The following NFIB variants were observed in gnomAD, a reference collection of about 807,000 sequenced individuals.
NFIB encodes nuclear factor 1 B-type.
In NFIB, 11 loss-of-function variants were observed where a neutral mutation model predicts 61.5. The observed-to-expected ratio is 0.18, with a 90% CI of 0.11 to 0.30. NFIB has a LOEUF of 0.30. NFIB is among the 10% of genes least tolerant of loss of function. NFIB has a pLI of 1.00. For synonymous variants in NFIB, 260 were observed against 216.5 expected (o/e 1.20, Z -1.76); for missense variants, 471 against 608.9 (o/e 0.77, Z 2.38).
the NFIB span, among the ~76,000 whole-genome samples, chr9:14,416,493 T>C: frequency 6.7e-5 from 10 of 148,552 alleles, no homozygotes; most frequent in Non-Finnish European, 1.5e-4. Flanking sequence ...TGTGTTTGTG[T>C]CCTAGTTTTT....
At chr9:14,418,454 C>T in the NFIB span, among the ~76,000 whole-genome samples, 983 of 152,250 alleles carry the variant, frequency 6.5e-3, 10 homozygotes, top group African/African-American at 0.022. Context: ...CCAGGAGTCT[C>T]GTGTGTTGAG....
At chr9:14,501,054 G>T in the NFIB span, among the ~76,000 whole-genome samples, 2 of 152,164 alleles carry the variant, frequency 1.3e-5, no homozygotes, top group Non-Finnish European at 2.9e-5. Flanking sequence ...CACAATGGAG[G>T]CTTCTAACTC....
intron 1 of NFIB, among the ~76,000 whole-genome samples, chr9:14,394,465 G>C (rs898034521): frequency 1.3e-5 from 2 of 152,188 alleles, no homozygotes; most frequent in African/African-American, 4.8e-5. Flanking sequence ...AGAAGCAAAG[G>C]CATGTCTTAC....
chr9:14,281,491 G>C (rs189991348), intron 2 of NFIB, among the ~76,000 whole-genome samples: 50 of 152,250 alleles, frequency 3.3e-4, no homozygotes, highest in Admixed American at 1.1e-3. Context: ...AAAGAATGTA[G>C]AGAAATGACT....
chr9:14,305,940 G>A, intron 2 of NFIB: 1 of 1,295,488 alleles, frequency 7.7e-7, no homozygotes, highest in Non-Finnish European at 1.0e-6. Context: ...TTTGTAAAAT[G>A]ATTGTTTTAC....
chr9:14,484,179 A>T, the NFIB span, among the ~76,000 whole-genome samples: 1 of 152,224 alleles, frequency 6.6e-6, no homozygotes, highest in South Asian at 2.1e-4. Context: ...TAACTTACTC[A>T]GTTTTTGCTG....
At chr9:14,526,612 G>A in the NFIB span, among the ~76,000 whole-genome samples, 1 of 152,040 alleles carries the variant, frequency 6.6e-6, no homozygotes, top group Non-Finnish European at 1.5e-5. Context: ...CTATTTCTGA[G>A]CAGACTTTCT....
chr9:14,310,551 AT>A lies in NFIB; in HGVS notation c.30+2930del, dbSNP rs989266393. ...ATAATAACTGTCCTGATACAAAAAT[AT>A]TTTTTTAAAAGGTGATTAAGGTTTT... is the stretch of plus-strand genomic sequence containing the variant. On this transcript the variant is annotated intron_variant, in intron 1 of 10. Transcript: ENST00000380953. Among the ~76,000 whole-genome samples, 7 of 152,182 alleles carry A rather than the reference AT, an allele frequency of 4.6e-5. No individual in the cohort carries two copies. The East Asian group carries it at 9.6e-4, about 21-fold the overall frequency.
the NFIB span, among the ~76,000 whole-genome samples, chr9:14,463,681 T>TTA: frequency 1.2e-4 from 7 of 58,736 alleles, no homozygotes; most frequent in African/African-American, 4.9e-4. Context: ...TTTTTTTTTT[T>TTA]TGAGACGGAG....
intron 1 of NFIB, among the ~76,000 whole-genome samples, chr9:14,391,434 C>T (rs1387687792): frequency 1.4e-5 from 2 of 140,024 alleles, no homozygotes; most frequent in African/African-American, 5.4e-5. Flanking sequence ...TTGGTCAGAG[C>T]TGGTACCAGG....
At chr9:14,418,355 C>G in the NFIB span, among the ~76,000 whole-genome samples, 1 of 152,184 alleles carries the variant, frequency 6.6e-6, no homozygotes, top group African/African-American at 2.4e-5. Flanking sequence ...TGGCTCCCAC[C>G]ATGCTGTTTC....
At chr9:14,156,476 G>A (rs1022005487) in intron 3 of NFIB, among the ~76,000 whole-genome samples, 1 of 152,136 alleles carries the variant, frequency 6.6e-6, no homozygotes. Flanking sequence ...TTTAATATAC[G>A]TTGCACGATT....
chr9:14,486,452 C>T, the NFIB span, among the ~76,000 whole-genome samples: 2 of 152,272 alleles, frequency 1.3e-5, no homozygotes, highest in African/African-American at 4.8e-5. Flanking sequence ...GGATTAAAAA[C>T]TGCTAAAAGG....
intron 2 of NFIB, among the ~76,000 whole-genome samples, chr9:14,221,622 C>T (rs1049638345): frequency 1.3e-5 from 2 of 152,120 alleles, no homozygotes. Flanking sequence ...TGTCTTCTGA[C>T]CTTTACTTAA....
the NFIB span, among the ~76,000 whole-genome samples, chr9:14,480,506 T>A: frequency 6.6e-6 from 1 of 152,224 alleles, no homozygotes; most frequent in East Asian, 1.9e-4. Flanking sequence ...ATGTGTCTAG[T>A]GTTTATACAC....
At chr9:14,507,149 T>C in the NFIB span, among the ~76,000 whole-genome samples, 1 of 152,236 alleles carries the variant, frequency 6.6e-6, no homozygotes, top group Non-Finnish European at 1.5e-5. Flanking sequence ...CTGTGTCCTG[T>C]TACATTTCTT....
At chr9:14,139,387 A>C (rs2041437087) in intron 6 of NFIB, among the ~76,000 whole-genome samples, 1 of 152,216 alleles carries the variant, frequency 6.6e-6, no homozygotes, top group African/African-American at 2.4e-5. Context: ...ATAAGCTTAA[A>C]CATGAACTCA....
At chr9:14,383,342 GGT>G (rs1433226422) in intron 1 of NFIB, among the ~76,000 whole-genome samples, 1 of 152,102 alleles carries the variant, frequency 6.6e-6, no homozygotes, top group African/African-American at 2.4e-5. Context: ...TTATATTTTT[GGT>G]GCCCAGAAAG....
At chr9:14,275,961 T>C (rs1266975777) in intron 2 of NFIB, among the ~76,000 whole-genome samples, 1 of 152,140 alleles carries the variant, frequency 6.6e-6, no homozygotes, top group African/African-American at 2.4e-5. Context: ...AAAACTTTCT[T>C]ACCCTTAACC....
Sources: allele counts gnomAD v4.1 joint callset (sites outside exome capture counted in the v4.1 genomes callset), GRCh38; gene constraint gnomAD v4.1.1; transcripts MANE v1.5; gene names NCBI Gene and HGNC (gene_info 2026-07-23, HGNC 2026-07-21).